RAD54B: variants seen among roughly 807,000 people sequenced by gnomAD.
RAD54B encodes the protein DNA repair and recombination protein RAD54B.
A neutral mutation model predicts 95.8 loss-of-function variants in RAD54B; 78 were observed. The observed-to-expected ratio is 0.81, with a 90% CI of 0.68 to 0.98. The LOEUF (loss-of-function observed/expected upper bound fraction) is 0.98, where lower values mean the gene tolerates loss of function less well. Among genes scored for constraint, RAD54B ranks in the 50% least tolerant of loss-of-function variants. RAD54B has a pLI of 0.00. For missense variants in RAD54B, 957 were observed against 1,056.6 expected (o/e 0.91, Z 1.31); for synonymous variants, 328 against 354.9 (o/e 0.92, Z 0.85).
chr8:94,427,831 A>T (rs1303637629), intron 3 of RAD54B: 1 of 961,974 alleles, frequency 1.0e-6, no homozygotes, highest in Non-Finnish European at 1.2e-6. Context: ...AAACATGTGT[A>T]TTTAAAAGTT....
intron 14 of RAD54B, among the ~76,000 whole-genome samples, chr8:94,374,534 A>C (rs1228151159): frequency 1.3e-5 from 2 of 152,192 alleles, no homozygotes; most frequent in Non-Finnish European, 2.9e-5. Context: ...TGCTATTGAC[A>C]AGAGATACCT....
chr8:94,425,332 G>A (rs1811917761), intron 3 of RAD54B, among the ~76,000 whole-genome samples: 1 of 150,334 alleles, frequency 6.7e-6, no homozygotes. Context: ...TAGGATTACA[G>A]GCATGAGCCA....
chr8:94,442,897 T>C (rs1473836355), intron 3 of RAD54B, among the ~76,000 whole-genome samples: 1 of 152,174 alleles, frequency 6.6e-6, no homozygotes, highest in Non-Finnish European at 1.5e-5. Context: ...GCATTACACG[T>C]TAAGTCAGCA....
At chr8:94,406,374 T>A (rs1811388831) in intron 5 of RAD54B, among the ~76,000 whole-genome samples, 1 of 152,024 alleles carries the variant, frequency 6.6e-6, no homozygotes, top group African/African-American at 2.4e-5. Flanking sequence ...GAAAGGAGAA[T>A]AAAGAGGAGG....
At chr8:94,393,988 A>T in intron 8 of RAD54B, 106 bp from the exon 9 acceptor site, 2 of 1,063,328 alleles carry the variant, frequency 1.9e-6, no homozygotes, top group Non-Finnish European at 2.7e-6. Flanking sequence ...TTATTCCCTA[A>T]AAGGAATAAA....
intron 3 of RAD54B, among the ~76,000 whole-genome samples, chr8:94,412,532 T>C (rs949935440): frequency 2.6e-5 from 4 of 152,226 alleles, no homozygotes; most frequent in African/African-American, 7.2e-5. Context: ...TTGCACACAC[T>C]AGATTTTCAG....
intron 3 of RAD54B, among the ~76,000 whole-genome samples, chr8:94,417,125 A>C (rs1811692736): frequency 6.6e-6 from 1 of 152,202 alleles, no homozygotes; most frequent in African/African-American, 2.4e-5. Flanking sequence ...AAGTGAAAGA[A>C]GCCAGTCACA....
At chr8:94,468,184 T>C (rs1016868451) in intron 1 of RAD54B, among the ~76,000 whole-genome samples, 16 of 152,138 alleles carry the variant, frequency 1.1e-4, no homozygotes, top group African/African-American at 2.9e-4. Context: ...CAATGATGCA[T>C]TGATTTATGA....
chr8:94,460,198 TG>T (rs1812872830), intron 2 of RAD54B, among the ~76,000 whole-genome samples: 1 of 129,766 alleles, frequency 7.7e-6, no homozygotes, highest in Non-Finnish European at 1.6e-5. Flanking sequence ...TGGCCAGGCA[TG>T]GTGGCTCACA....
chr8:94,387,117 T>C lies in RAD54B; in HGVS notation c.1852A>G (p.Ser618Gly). ...ACACTTAGCAAGCCTTTGTATAGAC[T>C]CTTTTCTTCATTTTTATCACAAGTT... ...SSTCDKNEEK[S>G]LYKGLLSVFP... Residue 618 changes from serine (S) to glycine (G), a missense_variant, in exon 11 of 15, where the codon AGT becomes GGT. Ser to Gly is a moderately conservative substitution (Grantham distance 56). Transcript: ENST00000336148. 1.2e-6 allele frequency: 2 copies of C among 1,603,896 alleles called. No individual in the cohort carries two copies. The highest frequency in any genetic ancestry group is 1.7e-6 in the Non-Finnish European group (2 of 1,176,544).
At chr8:94,432,692 C>A in intron 3 of RAD54B, 1 of 1,413,334 alleles carries the variant, frequency 7.1e-7, no homozygotes, top group Non-Finnish European at 9.3e-7. Flanking sequence ...ATATGTAAAT[C>A]AAATGAAGAA....
intron 8 of RAD54B, among the ~76,000 whole-genome samples, chr8:94,397,488 C>A (rs1014224971): frequency 4.6e-5 from 7 of 152,034 alleles, no homozygotes; most frequent in Non-Finnish European, 7.4e-5. Context: ...ATACTAATGC[C>A]TCAAATGAAA....
At chr8:94,376,504 A>T (rs1439864432) in intron 14 of RAD54B, among the ~76,000 whole-genome samples, 1 of 151,682 alleles carries the variant, frequency 6.6e-6, no homozygotes, top group Admixed American at 6.6e-5. Context: ...ACAAGGAAAA[A>T]GGAGAAAAGA....
At chr8:94,423,042 A>AT (rs1399476020) in intron 3 of RAD54B, among the ~76,000 whole-genome samples, 4 of 151,802 alleles carry the variant, frequency 2.6e-5, no homozygotes, top group Non-Finnish European at 5.9e-5. Flanking sequence ...TTAGAATATA[A>AT]CTCTGTCCTC....
intron 3 of RAD54B, among the ~76,000 whole-genome samples, chr8:94,454,906 A>G (rs1458328856): frequency 1.3e-5 from 2 of 152,172 alleles, no homozygotes; most frequent in Non-Finnish European, 2.9e-5. Context: ...CTTAAGAAAC[A>G]TTTAGCTAAC....
chr8:94,444,365 C>T (rs1405547088), intron 3 of RAD54B, among the ~76,000 whole-genome samples: 1 of 145,974 alleles, frequency 6.9e-6, no homozygotes, highest in Non-Finnish European at 1.5e-5. Context: ...CATATGTTCA[C>T]AAGACCACAT....
chr8:94,440,881 C>T (rs1273490284), intron 3 of RAD54B, among the ~76,000 whole-genome samples: 2 of 152,210 alleles, frequency 1.3e-5, no homozygotes, highest in Non-Finnish European at 2.9e-5. Flanking sequence ...TTGTTTTATA[C>T]TCAGTACCTG....
rs1339998905 is a variant in RAD54B at position 94,372,334 on chromosome 8, G to C, written c.2569C>G (p.His857Asp). Reference sequence around the variant, plus strand: ...GGTTTCAGGGAGTTAGATTTCTGGTGATGTGGACCAAGCTGACAATCTCTA... The same window carrying C: ...GGTTTCAGGGAGTTAGATTTCTGGTCATGTGGACCAAGCTGACAATCTCTA... The part of the protein sequence containing the change: ...VSRDCQLGPH[H>D]QKSNSLKPLS... The change falls in exon 15 of 15, where the codon CAC (histidine) becomes GAC (aspartate). Residue 857 changes from histidine (H) to aspartate (D), a missense_variant. Physicochemically the swap from His to Asp is moderately conservative, Grantham distance 81 (BLOSUM62 -1). Coordinates refer to ENST00000336148, the MANE Select transcript of RAD54B (RefSeq NM_012415.3). The C allele has an allele frequency of 6.2e-7, 1 of 1,613,822 alleles. No individual in the cohort carries two copies. The highest frequency in any genetic ancestry group is 2.2e-5 in the East Asian group (1 of 44,796).
At chr8:94,435,527 A>T (rs1586021008) in intron 3 of RAD54B, among the ~76,000 whole-genome samples, 2 of 152,090 alleles carry the variant, frequency 1.3e-5, no homozygotes, top group African/African-American at 4.8e-5. Flanking sequence ...GGCTCCTCAA[A>T]CTAACAAGGA....
Sources: gnomAD v4.1 joint callset for allele counts (sites outside exome capture counted in the v4.1 genomes callset) on GRCh38, gnomAD v4.1.1 for gene constraint, MANE v1.5 for transcripts, NCBI Gene and HGNC (gene_info 2026-07-23, HGNC 2026-07-21) for gene names.